GSTCD: variants seen among roughly 807,000 people sequenced by gnomAD.
GSTCD encodes the protein glutathione S-transferase C-terminal domain-containing protein.
GSTCD carries 44 observed loss-of-function variants against 68.3 expected under a neutral mutation model. The ratio of observed to expected loss-of-function variants is 0.64; its 90% CI spans 0.51 to 0.83. The LOEUF (loss-of-function observed/expected upper bound fraction) is 0.83. Among genes scored for constraint, GSTCD ranks in the 40% least tolerant of loss-of-function variants. The pLI is 0.00. For synonymous variants in GSTCD, 273 were observed against 255.2 expected (o/e 1.07, Z -0.67); for missense variants, 739 against 735.9 (o/e 1.00, Z -0.05).
At chr4:105,841,835 C>T (rs765564019) in intron 10 of GSTCD, among the ~76,000 whole-genome samples, 5 of 151,862 alleles carry the variant, frequency 3.3e-5, no homozygotes, top group Non-Finnish European at 5.9e-5. Flanking sequence ...TGGGCGACGG[C>T]GAGACTGTCT....
intron 10 of GSTCD, among the ~76,000 whole-genome samples, chr4:105,841,741 C>G (rs184605848): frequency 6.6e-6 from 1 of 152,102 alleles, no homozygotes; most frequent in African/African-American, 2.4e-5. Context: ...GTCCCAACTA[C>G]ACGGAGGCTG....
At chr4:105,732,132 A>G (rs1733266893) in intron 5 of GSTCD, among the ~76,000 whole-genome samples, 1 of 152,200 alleles carries the variant, frequency 6.6e-6, no homozygotes, top group African/African-American at 2.4e-5. Context: ...AATGTTCATC[A>G]GGGATATTGG....
chr4:105,798,979 G>T (rs760948960), intron 5 of GSTCD, among the ~76,000 whole-genome samples: 6 of 152,160 alleles, frequency 3.9e-5, no homozygotes, highest in Non-Finnish European at 1.5e-5. Flanking sequence ...GTTCTTTAGT[G>T]GAGCCACCTC....
chr4:105,818,243 G>C (rs1723102507), intron 5 of GSTCD, among the ~76,000 whole-genome samples: 1 of 151,704 alleles, frequency 6.6e-6, no homozygotes, highest in African/African-American at 2.4e-5. Context: ...ATTTTGGGTA[G>C]TAACAAAGAG....
intron 10 of GSTCD, among the ~76,000 whole-genome samples, chr4:105,841,236 A>G (rs1724325138): frequency 6.6e-6 from 1 of 151,818 alleles, no homozygotes; most frequent in Non-Finnish European, 1.5e-5. Context: ...GGGCAGGAGT[A>G]TTGCTTGAAC....
At chr4:105,722,548 C>T (rs150963337) in intron 3 of GSTCD, among the ~76,000 whole-genome samples, 9 of 151,868 alleles carry the variant, frequency 5.9e-5, no homozygotes, top group African/African-American at 2.2e-4. Flanking sequence ...GGAAGTATGA[C>T]TAAGGAAATG....
chr4:105,818,128 C>T (rs140460519), intron 5 of GSTCD, among the ~76,000 whole-genome samples: 94 of 151,776 alleles, frequency 6.2e-4, no homozygotes, highest in African/African-American at 1.8e-3. Flanking sequence ...TTTCAGCTAA[C>T]GGTTTTTTGG....
intron 5 of GSTCD, among the ~76,000 whole-genome samples, chr4:105,814,883 A>G (rs971448042): frequency 7.9e-5 from 12 of 152,212 alleles, no homozygotes; most frequent in Non-Finnish European, 1.8e-4. Flanking sequence ...GGGAAAAGGA[A>G]TGGTAGAACT....
At chr4:105,802,829 G>A (rs1736159821) in intron 5 of GSTCD, among the ~76,000 whole-genome samples, 1 of 152,060 alleles carries the variant, frequency 6.6e-6, no homozygotes, top group Non-Finnish European at 1.5e-5. Context: ...ACACCACATT[G>A]CTATAAAGAT....
At chr4:105,834,101 A>G (rs1482818662) in intron 8 of GSTCD, among the ~76,000 whole-genome samples, 2 of 152,186 alleles carry the variant, frequency 1.3e-5, no homozygotes, top group Non-Finnish European at 2.9e-5. Context: ...ATAGTTGAAG[A>G]GATTAAGGCC....
At chr4:105,711,100 T>A (rs895328926) in intron 1 of GSTCD, 4 of 152,222 alleles carry the variant, frequency 2.6e-5, no homozygotes, top group African/African-American at 9.6e-5. Context: ...TTGTTTTGGT[T>A]AAATCTATAT....
chr4:105,755,234 A>G (rs978361859), intron 5 of GSTCD, among the ~76,000 whole-genome samples: 2 of 151,688 alleles, frequency 1.3e-5, no homozygotes, highest in Non-Finnish European at 2.9e-5. Flanking sequence ...TAACAGTGAG[A>G]CCCTGTCAAG....
chr4:105,822,964 C>T lies in GSTCD; in HGVS notation c.1251C>T (p.Ser417=). ...AAVSPKEGKM[S]SDRALRKQQQ... is the part of the protein sequence containing the mutation. ...TCTTGTCTTTCTCAGGTAAAATGTC[C>T]AGTGATCGAGCTTTGAGGAAGCAGC... Residue 417 remains serine (S), a synonymous_variant, in exon 6 of 12, where the codon TCC becomes TCT. Coordinates refer to ENST00000515279, the MANE Select transcript of GSTCD (RefSeq NM_001370181.1). 1.9e-6 allele frequency: 3 copies of T among 1,611,604 alleles called. No homozygotes were observed. Among genetic ancestry groups the T allele is most frequent in the East Asian group, 2.2e-5 (1 of 44,852 alleles).
intron 5 of GSTCD, among the ~76,000 whole-genome samples, chr4:105,770,324 C>T (rs1734793726): frequency 6.6e-6 from 1 of 151,392 alleles, no homozygotes; most frequent in Admixed American, 6.6e-5. Context: ...CTGAGAATTA[C>T]TTGCTTAACA....
chr4:105,809,755 GT>G (rs1006709333), intron 5 of GSTCD, among the ~76,000 whole-genome samples: 59 of 144,482 alleles, frequency 4.1e-4, no homozygotes, highest in African/African-American at 5.0e-4. Context: ...AGACAGGTTG[GT>G]TTTTTTTTTT....
Position 105,826,448 on chromosome 4 carries a change from T to C in GSTCD, c.1530+648T>C, listed in dbSNP as rs186312275. Among the ~76,000 whole-genome samples the C allele has an allele frequency of 2.1e-3, 317 of 151,958 alleles. 1 individual carries two copies. The highest frequency in any genetic ancestry group is 6.6e-3 in the South Asian group (32 of 4,824). On this transcript the variant is annotated intron_variant, in intron 8 of 11. Transcript: ENST00000515279. ...TATTTCTTATATTTGCTTTAAATAATTTTTTTTCTGATTTTGATAGGAATA... is the reference window on the plus strand; with the variant it reads ...TATTTCTTATATTTGCTTTAAATAACTTTTTTTCTGATTTTGATAGGAATA...
chr4:105,814,758 C>T (rs1722904113), intron 5 of GSTCD, among the ~76,000 whole-genome samples: 1 of 152,204 alleles, frequency 6.6e-6, no homozygotes, highest in South Asian at 2.1e-4. Flanking sequence ...TGTTCCCACC[C>T]CATCCATGCC....
chr4:105,713,115 T>G (rs1732587540), intron 1 of GSTCD, among the ~76,000 whole-genome samples: 1 of 152,232 alleles, frequency 6.6e-6, no homozygotes, highest in African/African-American at 2.4e-5. Flanking sequence ...GTAGGATAAG[T>G]ATTGCTTCAT....
chr4:105,709,795 A>G (rs1297479767), intron 1 of GSTCD, among the ~76,000 whole-genome samples: 1 of 152,174 alleles, frequency 6.6e-6, no homozygotes, highest in African/African-American at 2.4e-5. Flanking sequence ...TATTTTACCT[A>G]AGCTTATCTG....
Sources: allele counts gnomAD v4.1 joint callset (sites outside exome capture counted in the v4.1 genomes callset), GRCh38; gene constraint gnomAD v4.1.1; transcripts MANE v1.5; gene names NCBI Gene and HGNC (gene_info 2026-07-23, HGNC 2026-07-21).